The following B4GALNT2 variants were observed in gnomAD, a reference collection of about 807,000 sequenced individuals.
B4GALNT2 encodes the protein beta-1,4-N-acetyl-galactosaminyltransferase 2 (SID blood group).
In B4GALNT2, 42 loss-of-function variants were observed where a neutral mutation model predicts 51.1. The observed-to-expected ratio is 0.82, with a 90% CI of 0.64 to 1.06. The LOEUF is 1.06. B4GALNT2 is among the 50% of genes least tolerant of loss of function. The pLI is 0.00. For missense variants in B4GALNT2, 602 were observed against 633.6 expected (o/e 0.95, Z 0.54); for synonymous variants, 253 against 251.7 (o/e 1.01, Z -0.05).
upstream of B4GALNT2, among the ~76,000 whole-genome samples, chr17:49,130,459 G>A (rs1318639647): frequency 2.0e-5 from 3 of 152,298 alleles, no homozygotes; most frequent in South Asian, 2.1e-4. Context: ...CCAACATGGT[G>A]AAACCCTCGT....
At chr17:49,125,666 G>T in the B4GALNT2 span, among the ~76,000 whole-genome samples, 7 of 143,040 alleles carry the variant, frequency 4.9e-5, no homozygotes, top group Non-Finnish European at 4.6e-5. Flanking sequence ...GGTGAGGAGC[G>T]TCTCCGCCCT....
At chr17:49,135,024 A>AT (rs1436074573) in intron 1 of B4GALNT2, among the ~76,000 whole-genome samples, 5 of 152,114 alleles carry the variant, frequency 3.3e-5, no homozygotes, top group Admixed American at 6.6e-5. Flanking sequence ...AGCCAAATAA[A>AT]TTTTTCTGTA....
At chr17:49,160,670 G>T (rs770534725) in intron 7 of B4GALNT2, 29 bp downstream of exon 7, 2 of 1,579,936 alleles carry the variant, frequency 1.3e-6, no homozygotes, top group East Asian at 4.5e-5. Context: ...GGGCTCCGTG[G>T]TGGCAACCCT....
the B4GALNT2 span, among the ~76,000 whole-genome samples, chr17:49,121,651 T>C: frequency 1.3e-5 from 2 of 152,110 alleles, no homozygotes; most frequent in African/African-American, 4.8e-5. Context: ...TTGTCAAAGG[T>C]GATAGCTGGA....
In B4GALNT2 at chr17:49,142,163, TTC is replaced by T; in HGVS notation, c.345_346del (p.Phe115LeufsTer43). 6.2e-7 allele frequency: 1 copy of T among 1,613,956 alleles called. No homozygotes were observed. The highest frequency in any genetic ancestry group is 8.5e-7 in the Non-Finnish European group (1 of 1,180,006). On this transcript the variant is annotated frameshift_variant, in exon 3 of 11. Coordinates refer to ENST00000393354, the MANE Select transcript of B4GALNT2 (RefSeq NM_001159387.2). LOFTEE classifies it high-confidence loss of function. ...AGGAGACAGGCTGAATTTGAACACT[TTC>T]AGAGGAGGTAATGCGGGTCATGAAG...
At chr17:49,148,604 G>C in intron 3 of B4GALNT2, 1 of 493,172 alleles carries the variant, frequency 2.0e-6, no homozygotes, top group Non-Finnish European at 3.9e-6. Flanking sequence ...TAAGGTACGC[G>C]TAGAAATGTC....
chr17:49,127,921 G>A (rs2042518894), upstream of B4GALNT2, among the ~76,000 whole-genome samples: 1 of 152,168 alleles, frequency 6.6e-6, no homozygotes, highest in Non-Finnish European at 1.5e-5. Context: ...AGACAGAGTG[G>A]AGAAAAGTAA....
chr17:49,126,144 G>C, the B4GALNT2 span, among the ~76,000 whole-genome samples: 1 of 152,152 alleles, frequency 6.6e-6, no homozygotes, highest in African/African-American at 2.4e-5. Context: ...TTTTCATTTT[G>C]TTCTGTACTA....
chr17:49,125,744 G>A, the B4GALNT2 span, among the ~76,000 whole-genome samples: 10 of 118,850 alleles, frequency 8.4e-5, 1 homozygote, highest in Non-Finnish European at 1.8e-4. Context: ...GTCCCGGAGG[G>A]AGGTGGGGGG....
the B4GALNT2 span, among the ~76,000 whole-genome samples, chr17:49,121,648 A>G: frequency 2.6e-5 from 4 of 152,206 alleles, no homozygotes; most frequent in African/African-American, 9.6e-5. Context: ...AATTTGTCAA[A>G]GGTGATAGCT....
At chr17:49,131,070 A>C (rs1165965259), upstream of B4GALNT2, among the ~76,000 whole-genome samples, 1 of 152,176 alleles carries the variant, frequency 6.6e-6, no homozygotes, top group African/African-American at 2.4e-5. Context: ...CATAAGCTTG[A>C]ATGAGTCATG....
In B4GALNT2 at chr17:49,168,975, G is replaced by A. The variant is rs2042936852; in HGVS notation, c.1315+75G>A. 4 of 1,442,426 alleles carry A rather than the reference G, an allele frequency of 2.8e-6. No individual in the cohort carries two copies. The East Asian group carries it at 7.4e-5, about 27-fold the overall frequency. 89.4% of individuals were successfully genotyped at this position (1,442,426 alleles called of 1,614,324 possible). A position where few individuals can be genotyped will look rare whatever the true frequency, so the allele number is the denominator to read the frequency against. On this transcript the variant is annotated intron_variant, in intron 10 of 10. Transcript: ENST00000393354. ...CAGAAGTTTGTTCTTTCCAAGGGCT[G>A]TACCCGGCTGGCTGATCATAGTCGC...
intron 7 of B4GALNT2, among the ~76,000 whole-genome samples, chr17:49,161,220 A>G (rs1190932799): frequency 6.6e-6 from 1 of 151,076 alleles, no homozygotes; most frequent in Non-Finnish European, 1.5e-5. Context: ...GGTTTCAGTG[A>G]GCCAAGATTG....
At chr17:49,164,626 T>G (rs1202893157) in intron 8 of B4GALNT2, among the ~76,000 whole-genome samples, 2 of 150,612 alleles carry the variant, frequency 1.3e-5, no homozygotes, top group Non-Finnish European at 3.0e-5. Flanking sequence ...CTTAGCCTCC[T>G]GAGTAGGTGG....
At chr17:49,161,275 G>A (rs1387341401) in intron 7 of B4GALNT2, among the ~76,000 whole-genome samples, 36 of 139,408 alleles carry the variant, frequency 2.6e-4, no homozygotes, top group East Asian at 6.2e-4. Flanking sequence ...ACTCTGTCTT[G>A]AAAAAAAAAA....
In B4GALNT2 at chr17:49,159,042, C is replaced by T. The variant is rs1202233399; in HGVS notation, c.504C>T (p.Thr168=). ...EGPDAPVYEV[T]LTASLGTLNT... ...TTCTACCTCACCCACCCTAGGTCAC[C>T]CTGACAGCTTCTCTGGGGACACTGA... The change falls in exon 6 of 11, where the codon ACC becomes ACT. Residue 168 remains threonine, a synonymous_variant. Coordinates refer to ENST00000393354, the MANE Select transcript of B4GALNT2 (RefSeq NM_001159387.2). 25 of 1,613,916 alleles carry T rather than the reference C, an allele frequency of 1.5e-5. No homozygotes were observed. The highest frequency in any genetic ancestry group is 2.1e-5 in the Non-Finnish European group (25 of 1,179,956).
chr17:49,149,883 C>A (rs1263771733), intron 3 of B4GALNT2, among the ~76,000 whole-genome samples: 1 of 152,176 alleles, frequency 6.6e-6, no homozygotes, highest in Non-Finnish European at 1.5e-5. Flanking sequence ...TTGCACCTTA[C>A]ATACACCTAA....
chr17:49,146,364 G>T (rs138665173), intron 3 of B4GALNT2, among the ~76,000 whole-genome samples: 2 of 151,734 alleles, frequency 1.3e-5, no homozygotes, highest in South Asian at 2.1e-4. Context: ...AGGCTGGAGC[G>T]CAATGGCACG....
intron 1 of B4GALNT2, among the ~76,000 whole-genome samples, chr17:49,137,495 G>A (rs1298647878): frequency 6.6e-6 from 1 of 152,072 alleles, no homozygotes; most frequent in African/African-American, 2.4e-5. Context: ...TGTGGCCCCT[G>A]GATCTTGGAT....
Sources: allele counts gnomAD v4.1 joint callset (sites outside exome capture counted in the v4.1 genomes callset), GRCh38; gene constraint gnomAD v4.1.1; transcripts MANE v1.5; gene names NCBI Gene and HGNC (gene_info 2026-07-23, HGNC 2026-07-21).